HERC1: variants seen among roughly 807,000 people sequenced by gnomAD.
HERC1 encodes the protein HECT and RLD domain containing E3 ubiquitin protein ligase family member 1.
A neutral mutation model predicts 554.3 loss-of-function variants in HERC1; 160 were observed. The observed-to-expected ratio is 0.29, with a 90% CI of 0.25 to 0.33. HERC1 has a LOEUF of 0.33. HERC1 is among the 10% of genes least tolerant of loss of function. The pLI, the probability that HERC1 is intolerant of heterozygous loss-of-function variation, is 1.00. For synonymous variants in HERC1, 2,175 were observed against 2,131.7 expected, an observed-to-expected ratio of 1.02 and a Z score of -0.56; for missense variants, 4,919 against 5,918.5, an observed-to-expected ratio of 0.83 and a Z score of 5.54.
rs71131175 is a variant in HERC1, at chr15:63,637,400, GAT to G, written c.12232+103_12232+104del. 252,139 of 936,414 alleles carry G rather than the reference GAT, an allele frequency of 0.27. 37,175 individuals carry two copies. Among genetic ancestry groups the G allele is most frequent in the Middle Eastern group, 0.36 (1,593 of 4,448 alleles). 58.0% of individuals were successfully genotyped at this position (936,414 alleles called of 1,614,324 possible). On this transcript the variant is annotated intron_variant, in intron 64 of 77. Coordinates refer to ENST00000443617, the MANE Select transcript of HERC1 (RefSeq NM_003922.4). ...AGGATTTAAATGTAAGTGAAAACCT[GAT>G]ATGATTTTATCTAGCAAAGGTTTGA...
At chr15:63,704,883 C>T (rs935550323) in intron 25 of HERC1, among the ~76,000 whole-genome samples, 3 of 151,728 alleles carry the variant, frequency 2.0e-5, no homozygotes, top group Admixed American at 6.6e-5. Context: ...GGACTACAGG[C>T]GCCCACCACC....
At position 63,698,873 on chromosome 15, in the gene HERC1, C is replaced by G; in HGVS notation, c.4760G>C (p.Gly1587Ala). The part of the protein sequence containing the change: ...ESDFDLTKSL[G>A]VHTLIENVVS... ...AACATTTTCAATCAAAGTGTGAACT[C>G]CCAAAGACTTGGTAAGATCAAAATC... is the stretch of plus-strand genomic sequence containing the variant. The change falls in exon 26 of 78, where the codon GGA (glycine) becomes GCA (alanine). Residue 1587 changes from glycine to alanine, a missense_variant. This residue lies in a region of HERC1 where 1,121 missense variants were observed against 1,244.0 expected (regional missense o/e 0.90). Coordinates refer to ENST00000443617, the MANE Select transcript of HERC1 (RefSeq NM_003922.4). 6.2e-7 allele frequency: 1 copy of G among 1,613,940 alleles called. No homozygotes were observed. The highest frequency in any genetic ancestry group is 1.1e-5 in the South Asian group (1 of 91,072).
chr15:63,733,230 T>A, intron 13 of HERC1, 85 bp from the exon 14 acceptor site: 1 of 829,314 alleles, frequency 1.2e-6, no homozygotes, highest in Non-Finnish European at 2.0e-6. Context: ...AAAACTATAC[T>A]AATCCACTTA....
At position 63,828,687 on chromosome 15, in the gene HERC1, A is replaced by C. The variant is rs117445496; in HGVS notation, c.-27+5140T>G. 9.5e-4 allele frequency among the ~76,000 whole-genome samples: 144 copies of C among 152,254 alleles called. 2 individuals carry two copies. In the East Asian group the frequency reaches 0.016, roughly 17 times the overall value. On this transcript the variant is annotated intron_variant, in intron 1 of 77. Transcript: ENST00000443617. Reference sequence around the variant, plus strand: ...TGTTTAGTAGAAGCAGTGTTTAGTAACTATAATGTTTCATATGCCAAAAAA... The same window carrying C: ...TGTTTAGTAGAAGCAGTGTTTAGTACCTATAATGTTTCATATGCCAAAAAA...
rs144683590 is a variant in HERC1, at chr15:63,640,507, C to T, written c.11608-62G>A. 2.4e-4 allele frequency: 305 copies of T among 1,294,572 alleles called. 3 individuals are homozygous for T. In the African/African-American group the frequency reaches 3.7e-3, roughly 16 times the overall value. The allele number at this position is 1,294,572 out of a possible 1,614,324, so 80.2% of individuals were successfully genotyped here. A position where few individuals can be genotyped will look rare whatever the true frequency, so the allele number is the denominator to read the frequency against. The stretch of plus-strand genomic sequence containing the variant: ...TTTGTGCCAAATATTCTAAATTAAC[C>T]TACCGTAGTCTGAAAGTCTGGAATC... On this transcript the variant is annotated intron_variant, in intron 60 of 77. Transcript: ENST00000443617.
chr15:63,747,695 C>A (rs1484319537), intron 11 of HERC1, 29 bp downstream of exon 11: 5 of 1,416,448 alleles, frequency 3.5e-6, no homozygotes, highest in Non-Finnish European at 4.9e-6. Flanking sequence ...CACACACACA[C>A]AAAGATACAA....
chr15:63,805,979 T>C (rs1196038561), intron 1 of HERC1, among the ~76,000 whole-genome samples: 3 of 151,886 alleles, frequency 2.0e-5, no homozygotes, highest in Non-Finnish European at 4.4e-5. Context: ...ACCCAATTAC[T>C]TGCAGGCCCT....
chr15:63,633,952 G>A lies in HERC1; in HGVS notation c.12589C>T (p.His4197Tyr). The change falls in exon 67 of 78, where the codon CAC (histidine) becomes TAC (tyrosine). Residue 4197 changes from histidine (H) to tyrosine (Y), a missense_variant. Physicochemically the swap from His to Tyr is moderately conservative, Grantham distance 83 (BLOSUM62 2). This residue lies in a region of HERC1 where 410 missense variants were observed against 467.0 expected (regional missense o/e 0.88). Transcript: ENST00000443617. ...QIGQVACGLN[H>Y]TLAVSADGSM... The stretch of plus-strand genomic sequence containing the variant: ...CCATCTGCTGACACTGCCAAAGTGT[G>A]GTTTAATCCACAGGCCACCTAAAGA... 6.2e-7 allele frequency: 1 copy of A among 1,613,820 alleles called. No individual in the cohort carries two copies. Among genetic ancestry groups the A allele is most frequent in the Non-Finnish European group, 8.5e-7 (1 of 1,179,778 alleles).
At chr15:63,630,314 C>T (rs1234660124) in intron 69 of HERC1, among the ~76,000 whole-genome samples, 152 bp downstream of exon 69, 1 of 152,228 alleles carries the variant, frequency 6.6e-6, no homozygotes, top group African/African-American at 2.4e-5. Flanking sequence ...AAAGACATAA[C>T]TAGACTTACA....
In HERC1 at chr15:63,628,788, G is replaced by T; in HGVS notation, c.12994C>A (p.Arg4332=). ...AGACCTGTTACCAGGGTTGGTTCTC[G>T]AACATGGTTGGTATGGCCTAAGCCG... ...QLGLGHTNHV[R]EPTLVTGLQG... is the part of the protein sequence containing the mutation. Residue 4332 remains arginine (R), a synonymous_variant, in exon 70 of 78, where the codon CGA becomes AGA. Coordinates refer to ENST00000443617, the MANE Select transcript of HERC1 (RefSeq NM_003922.4). 6.2e-7 allele frequency: 1 copy of T among 1,613,888 alleles called. No individual in the cohort carries two copies. The highest frequency in any genetic ancestry group is 8.5e-7 in the Non-Finnish European group (1 of 1,179,848).
intron 76 of HERC1, among the ~76,000 whole-genome samples, chr15:63,614,954 G>C (rs2067751221): frequency 6.6e-6 from 1 of 152,238 alleles, no homozygotes; most frequent in South Asian, 2.1e-4. Context: ...TAAGGAAAAA[G>C]ATCACAGGTT....
chr15:63,727,735 G>T lies in HERC1; in HGVS notation c.3258C>A (p.Leu1086=), dbSNP rs530606514. 3.1e-6 allele frequency: 5 copies of T among 1,613,872 alleles called. No individual in the cohort carries two copies. Among genetic ancestry groups the T allele is most frequent in the Non-Finnish European group, 4.2e-6 (5 of 1,179,824 alleles). Residue 1086 remains leucine, a synonymous_variant, in exon 17 of 78, where the codon CTC becomes CTA. Transcript: ENST00000443617. The surrounding 1 kb of genome is among the most constrained non-coding windows in gnomAD (Gnocchi z 4.3). The part of the protein sequence containing the change: ...SVARPLLSYL[L]DLLPPLDCLN... ...GGCAATCAAGAGGTGGCAACAAGTC[G>T]AGGAGGTAACTCAATAAAGGCCGAG...
Position 63,641,620 on chromosome 15 carries a change from T to C in HERC1, c.11457A>G (p.Thr3819=), listed in dbSNP as rs2152842068. ...RSKDVLVVNC[T]AEWAAANHVL... ...CATGATTGGCAGCTGCCCATTCTGC[T>C]GTACAATTCACGACCAAAACATCCT... The change falls in exon 60 of 78, where the codon ACA becomes ACG. Residue 3819 remains threonine, a synonymous_variant. Transcript: ENST00000443617. 1 of 1,563,320 alleles carries C rather than the reference T, an allele frequency of 6.4e-7. No individual in the cohort carries two copies. Among genetic ancestry groups the C allele is most frequent in the Non-Finnish European group, 8.7e-7 (1 of 1,151,954 alleles).
At chr15:63,769,700 A>T (rs896883354) in intron 2 of HERC1, among the ~76,000 whole-genome samples, 1 of 151,900 alleles carries the variant, frequency 6.6e-6, no homozygotes, top group Non-Finnish European at 1.5e-5. Flanking sequence ...CTAAAAATAT[A>T]AAAAAATTAG....
rs1356730751 is a variant in HERC1 at position 63,608,878 on chromosome 15, G to A, written c.*203C>T. 2.3e-6 allele frequency: 1 copy of A among 442,718 alleles called. No homozygotes were observed. The highest frequency in any genetic ancestry group is 4.5e-5 in the Admixed American group (1 of 22,252). The allele number at this position is 442,718 out of a possible 1,614,324, so 27.4% of individuals were successfully genotyped here. The stretch of plus-strand genomic sequence containing the variant: ...GGAAAAACCTGACTGAGAGCACTTC[G>A]TTTTTGTTGTTTTTGTACAATCACA... On this transcript the variant is annotated 3_prime_UTR_variant, in exon 78 of 78. Coordinates refer to ENST00000443617, the MANE Select transcript of HERC1 (RefSeq NM_003922.4).
At chr15:63,804,822 A>C (rs1302199135) in intron 1 of HERC1, among the ~76,000 whole-genome samples, 1 of 152,214 alleles carries the variant, frequency 6.6e-6, no homozygotes, top group Non-Finnish European at 1.5e-5. Flanking sequence ...ACAGCCAAAA[A>C]AGCGCATGAA....
intron 3 of HERC1, among the ~76,000 whole-genome samples, chr15:63,759,540 A>C (rs1414019458): frequency 6.6e-6 from 1 of 152,208 alleles, no homozygotes; most frequent in East Asian, 1.9e-4. Context: ...CCTTATCTTA[A>C]CTTCACATTT....
chr15:63,709,158 T>C lies in HERC1; in HGVS notation c.4585-2327A>G, dbSNP rs562116882. On this transcript the variant is annotated intron_variant, in intron 24 of 77. Coordinates refer to ENST00000443617, the MANE Select transcript of HERC1 (RefSeq NM_003922.4). ...CACACCACAACACCCAGCTAATATA[T>C]ATATATATTTTTTATTTTTTTGTAA... 2.0e-5 allele frequency among the ~76,000 whole-genome samples: 3 copies of C among 151,396 alleles called. No homozygotes were observed. The South Asian group carries it at 6.2e-4, about 31-fold the overall frequency.
chr15:63,820,573 A>T (rs946562784), intron 1 of HERC1, among the ~76,000 whole-genome samples: 4 of 152,244 alleles, frequency 2.6e-5, no homozygotes, highest in African/African-American at 7.2e-5. Flanking sequence ...TGGTACAGGG[A>T]CTAAGGTCTT....
Sources: gnomAD v4.1 joint callset for allele counts (sites outside exome capture counted in the v4.1 genomes callset) on GRCh38, gnomAD v4.1.1 for gene constraint, gnomAD v4.1.1 regional missense constraint, Gnocchi (gnomAD v3.1) non-coding constraint, MANE v1.5 for transcripts, NCBI Gene and HGNC (gene_info 2026-07-23, HGNC 2026-07-21) for gene names.